Variants in HDLBP observed in about 807,000 individuals in gnomAD.
The protein encoded by HDLBP is high density lipoprotein binding protein, also known as vigilin.
HDLBP carries 30 observed loss-of-function variants against 137.3 expected under a neutral mutation model. The ratio of observed to expected loss-of-function variants is 0.22; its 90% CI spans 0.16 to 0.30. The LOEUF is 0.30. Among genes scored for constraint, HDLBP ranks in the 10% least tolerant of loss-of-function variants. The pLI is 1.00. For synonymous variants in HDLBP, 606 were observed against 596.0 expected (o/e 1.02, Z -0.24); for missense variants, 1,119 against 1,667.3 (o/e 0.67, Z 5.73).
chr2:241,305,351 G>A (rs2075535919), intron 1 of HDLBP, among the ~76,000 whole-genome samples: 1 of 152,134 alleles, frequency 6.6e-6, no homozygotes, highest in Non-Finnish European at 1.5e-5. Flanking sequence ...TCGAACTCCT[G>A]ACCTCAGGTG....
At chr2:241,293,756 C>T (rs918797466) in intron 1 of HDLBP, among the ~76,000 whole-genome samples, 1 of 149,758 alleles carries the variant, frequency 6.7e-6, no homozygotes, top group Non-Finnish European at 1.5e-5. Context: ...CTCATCTCTA[C>T]CAAAAATACA....
At chr2:241,289,202 A>G (rs1299086893) in intron 1 of HDLBP, among the ~76,000 whole-genome samples, 3 of 152,166 alleles carry the variant, frequency 2.0e-5, no homozygotes, top group African/African-American at 7.2e-5. Flanking sequence ...AAGGGTGGAG[A>G]GCATGTGGCA....
At chr2:241,244,522 C>T (rs1343912441) in intron 16 of HDLBP, among the ~76,000 whole-genome samples, 2 of 152,062 alleles carry the variant, frequency 1.3e-5, no homozygotes, top group African/African-American at 2.4e-5. Context: ...CAACAGGAGA[C>T]GGCAATGAAG....
At chr2:241,280,931 G>A (rs2074572573) in intron 1 of HDLBP, among the ~76,000 whole-genome samples, 1 of 152,144 alleles carries the variant, frequency 6.6e-6, no homozygotes, top group Non-Finnish European at 1.5e-5. Context: ...TACATTTAGT[G>A]GAGTATGCCA....
In HDLBP at chr2:241,230,041, C is replaced by A; in HGVS notation, c.3592-80G>T. On this transcript the variant is annotated intron_variant, in intron 26 of 27. Coordinates refer to ENST00000310931, the MANE Select transcript of HDLBP (RefSeq NM_005336.6). The surrounding 1 kb of genome is among the most constrained non-coding windows in gnomAD (Gnocchi z 5.0). ...CGCCCGCCTGCTCACCCCTGCACCT[C>A]GCCTGCCTCTGGAAACACAAGTGCC... The A allele has an allele frequency of 6.3e-7, 1 of 1,578,696 alleles. No individual in the cohort carries two copies. Among genetic ancestry groups the A allele is most frequent in the Non-Finnish European group, 8.6e-7 (1 of 1,158,768 alleles).
intron 11 of HDLBP, 32 bp downstream of exon 11, chr2:241,252,925 C>G (rs370650548): frequency 2.1e-4 from 312 of 1,512,664 alleles, no homozygotes; most frequent in Non-Finnish European, 2.6e-4. Context: ...TCAGGGCACA[C>G]TGGCCCCACC....
chr2:241,259,860 T>C (rs1463132180), intron 5 of HDLBP, among the ~76,000 whole-genome samples: 5 of 152,230 alleles, frequency 3.3e-5, no homozygotes, highest in Non-Finnish European at 5.9e-5. Flanking sequence ...CGTGCACCTA[T>C]GGAGACTGGA....
intron 15 of HDLBP, 46 bp from the exon 16 acceptor site, chr2:241,246,929 A>G: frequency 1.9e-6 from 3 of 1,610,508 alleles, no homozygotes; most frequent in Non-Finnish European, 2.5e-6. Context: ...GAGCTCTCCC[A>G]GAGTTGAGAC....
chr2:241,280,921 T>C (rs1350921898), intron 1 of HDLBP, among the ~76,000 whole-genome samples: 1 of 152,228 alleles, frequency 6.6e-6, no homozygotes, highest in Non-Finnish European at 1.5e-5. Context: ...ACTAAATTAA[T>C]ACATTTAGTG....
At chr2:241,244,570 C>T (rs988104455) in intron 16 of HDLBP, among the ~76,000 whole-genome samples, 1 of 152,120 alleles carries the variant, frequency 6.6e-6, no homozygotes, top group African/African-American at 2.4e-5. Flanking sequence ...AACCTAGAAA[C>T]CTTTATGCAG....
chr2:241,258,056 T>C (rs1043675935), intron 5 of HDLBP, among the ~76,000 whole-genome samples: 1 of 152,044 alleles, frequency 6.6e-6, no homozygotes, highest in Non-Finnish European at 1.5e-5. Context: ...GAGTCCAAGA[T>C]CAGCCTGGGC....
chr2:241,261,973 T>C (rs1329693890), intron 5 of HDLBP, among the ~76,000 whole-genome samples: 1 of 152,202 alleles, frequency 6.6e-6, no homozygotes, highest in East Asian at 1.9e-4. Context: ...AATAAGCCTA[T>C]CTAGTACAAC....
chr2:241,302,020 C>T (rs1013957773), intron 1 of HDLBP, among the ~76,000 whole-genome samples: 7 of 149,544 alleles, frequency 4.7e-5, no homozygotes, highest in Admixed American at 1.3e-4. Flanking sequence ...TGCTTGAGGT[C>T]GGAAGTTCAA....
intron 11 of HDLBP, among the ~76,000 whole-genome samples, chr2:241,251,575 T>C (rs560066574): frequency 1.3e-5 from 2 of 152,390 alleles, no homozygotes; most frequent in Non-Finnish European, 2.9e-5. Flanking sequence ...GAGGACGTGC[T>C]TGCCTTCTCA....
chr2:241,267,736 T>C (rs1157573269), intron 2 of HDLBP: 138 of 1,532,892 alleles, frequency 9.0e-5, no homozygotes, highest in Non-Finnish European at 1.2e-4. Context: ...GCAGCCTCAG[T>C]GCTTTGTAGC....
chr2:241,231,002 G>C (rs1461644089), intron 24 of HDLBP, 58 bp from the exon 25 acceptor site: 1 of 1,472,238 alleles, frequency 6.8e-7, no homozygotes, highest in Admixed American at 1.7e-5. Context: ...CCCGTCAGGG[G>C]CAAGAGCCGG....
intron 1 of HDLBP, among the ~76,000 whole-genome samples, chr2:241,286,541 T>A (rs1337305416): frequency 6.6e-6 from 1 of 152,184 alleles, no homozygotes; most frequent in East Asian, 1.9e-4. Context: ...ATCCTGCCTC[T>A]CCAGACCGAA....
intron 2 of HDLBP, chr2:241,267,981 TCCTCTCCTTC>T (rs79379092): frequency 0.15 from 146,559 of 979,492 alleles, 12,000 homozygotes; most frequent in Non-Finnish European, 0.16. Flanking sequence ...AATGTTAGCT[TCCTCTCCTTC>T]CCTCTCCTTC....
intron 2 of HDLBP, among the ~76,000 whole-genome samples, chr2:241,267,322 T>G (rs527950189): frequency 6.6e-6 from 1 of 152,186 alleles, no homozygotes; most frequent in African/African-American, 2.4e-5. Context: ...TAGACAAGTT[T>G]GTCCTAGAAC....
Sources: allele counts gnomAD v4.1 joint callset (sites outside exome capture counted in the v4.1 genomes callset), GRCh38; gene constraint gnomAD v4.1.1; non-coding constraint Gnocchi (gnomAD v3.1); transcripts MANE v1.5; gene names NCBI Gene and HGNC (gene_info 2026-07-23, HGNC 2026-07-21).